Variants in IL1RAPL1 observed in about 807,000 individuals in gnomAD.
The protein encoded by IL1RAPL1 is interleukin 1 receptor accessory protein like 1, also known as interleukin-1 receptor accessory protein-like 1.
Under a neutral mutation model 48.4 loss-of-function variants are expected in IL1RAPL1, and 3 were observed. The ratio of observed to expected loss-of-function variants is 0.06; its 90% CI spans 0.03 to 0.16. IL1RAPL1 has a LOEUF of 0.16. IL1RAPL1 is among the 10% of genes least tolerant of loss of function. IL1RAPL1 has a pLI of 1.00. For missense variants in IL1RAPL1, 349 were observed against 530.6 expected (o/e 0.66, Z 3.36); for synonymous variants, 185 against 187.7 (o/e 0.99, Z 0.12).
chrX:28,814,453 C>G (rs1936836573), intron 2 of IL1RAPL1, among the ~76,000 whole-genome samples: 1 of 107,822 alleles, frequency 9.3e-6, no homozygotes, highest in Non-Finnish European at 1.9e-5. Flanking sequence ...AGGGAATGGT[C>G]CATAGAGCTC....
chrX:29,752,224 G>A (rs1316530828), intron 6 of IL1RAPL1, among the ~76,000 whole-genome samples: 5 of 105,953 alleles, frequency 4.7e-5, no homozygotes, highest in Non-Finnish European at 9.7e-5. Flanking sequence ...TGGCCCGGGC[G>A]CAGGGGCTCA....
At chrX:29,368,706 T>C (rs1933503050) in intron 3 of IL1RAPL1, among the ~76,000 whole-genome samples, 2 of 107,256 alleles carry the variant, frequency 1.9e-5, no homozygotes, top group Non-Finnish European at 3.8e-5. Context: ...TGGAATTACA[T>C]GTGTGAGCCA....
chrX:29,670,185 C>T (rs1291335372), intron 6 of IL1RAPL1, among the ~76,000 whole-genome samples: 1 of 111,611 alleles, frequency 9.0e-6, no homozygotes, highest in Non-Finnish European at 1.9e-5. Context: ...CCTCTTACTA[C>T]ACTGTTTTAC....
chrX:29,492,406 C>G (rs777832853), intron 5 of IL1RAPL1, among the ~76,000 whole-genome samples: 2 of 112,130 alleles, frequency 1.8e-5, no homozygotes, highest in East Asian at 5.6e-4. Flanking sequence ...TGGCACAGGT[C>G]TCACTTGGCT....
rs184696306 is a variant in IL1RAPL1, at chrX:28,757,752, C to T, written c.-24-31568C>T. 1.8e-3 allele frequency among the ~76,000 whole-genome samples: 197 copies of T among 112,245 alleles called. 1 individual carries two copies. The highest frequency in any genetic ancestry group is 6.1e-3 in the African/African-American group (189 of 30,937). On this transcript the variant is annotated intron_variant, in intron 1 of 10. Transcript: ENST00000378993. ...TGTGGGCTCTCATTAGCCAAGAAAA[C>T]TCAACTCAACACATGTGCTCTGCTT...
chrX:29,813,008 GC>G (rs1221628702), intron 6 of IL1RAPL1, among the ~76,000 whole-genome samples: 2 of 111,247 alleles, frequency 1.8e-5, no homozygotes, highest in African/African-American at 6.5e-5. Flanking sequence ...GACTCCCCGT[GC>G]CCTGTGTGCC....
chrX:28,680,890 A>G (rs182342900), intron 1 of IL1RAPL1, among the ~76,000 whole-genome samples: 1 of 111,438 alleles, frequency 9.0e-6, no homozygotes, highest in East Asian at 2.8e-4. Context: ...CATTGTCTGT[A>G]GTTTTCTTGT....
At chrX:29,845,977 G>C (rs370970226) in intron 6 of IL1RAPL1, among the ~76,000 whole-genome samples, 20 of 110,894 alleles carry the variant, frequency 1.8e-4, no homozygotes, top group Middle Eastern at 4.2e-3. Flanking sequence ...GTGCTATACC[G>C]TTCATGAGAA....
chrX:28,844,017 C>G (rs1921443508), intron 2 of IL1RAPL1, among the ~76,000 whole-genome samples: 1 of 109,656 alleles, frequency 9.1e-6, no homozygotes, highest in Non-Finnish European at 1.9e-5. Flanking sequence ...TCCCTGCTGC[C>G]TAGCTCTTTG....
At chrX:29,721,748 C>T (rs1927643064) in intron 6 of IL1RAPL1, among the ~76,000 whole-genome samples, 1 of 111,315 alleles carries the variant, frequency 9.0e-6, no homozygotes, top group African/African-American at 3.3e-5. Context: ...CACATACTCA[C>T]GGTATGATTA....
intron 3 of IL1RAPL1, among the ~76,000 whole-genome samples, chrX:29,376,234 T>C (rs1270574191): frequency 8.9e-6 from 1 of 112,028 alleles, no homozygotes; most frequent in African/African-American, 3.2e-5. Context: ...AACACCACTT[T>C]AGCTGCATTC....
intron 2 of IL1RAPL1, among the ~76,000 whole-genome samples, chrX:29,209,817 G>A (rs1412362039): frequency 1.8e-5 from 2 of 112,284 alleles, no homozygotes; most frequent in Non-Finnish European, 3.8e-5. Flanking sequence ...AGTAGTAACA[G>A]ATGGATAGGC....
At chrX:29,015,299 A>G (rs1427372749) in intron 2 of IL1RAPL1, among the ~76,000 whole-genome samples, 1 of 111,624 alleles carries the variant, frequency 9.0e-6, no homozygotes, top group Non-Finnish European at 1.9e-5. Context: ...GGTAATAATA[A>G]TAATCTTCCT....
At chrX:29,630,256 C>T (rs1924730824) in intron 5 of IL1RAPL1, among the ~76,000 whole-genome samples, 1 of 111,233 alleles carries the variant, frequency 9.0e-6, no homozygotes, top group Admixed American at 9.6e-5. Context: ...AACCACCTCC[C>T]GAAGACTCCC....
chrX:28,615,110 G>C (rs1057402698), intron 1 of IL1RAPL1, among the ~76,000 whole-genome samples: 1 of 106,557 alleles, frequency 9.4e-6, no homozygotes, highest in East Asian at 3.0e-4. Context: ...GGATGGTCTC[G>C]ACCTCCTGAC....
intron 6 of IL1RAPL1, among the ~76,000 whole-genome samples, chrX:29,888,250 G>A (rs1932207888): frequency 9.4e-6 from 1 of 106,715 alleles, no homozygotes; most frequent in Non-Finnish European, 1.9e-5. Context: ...TTGAGACAGA[G>A]TCTTGCTCTG....
chrX:29,758,863 G>GTTA (rs1928685896), intron 6 of IL1RAPL1, among the ~76,000 whole-genome samples: 1 of 111,229 alleles, frequency 9.0e-6, no homozygotes, highest in Non-Finnish European at 1.9e-5. Context: ...AGTTACTGTT[G>GTTA]GTTATTATTG....
rs915726667 is a variant in IL1RAPL1 at position 29,888,292 on chromosome X, C to T, written c.779-29172C>T. On this transcript the variant is annotated intron_variant, in intron 6 of 10. Coordinates refer to ENST00000378993, the MANE Select transcript of IL1RAPL1 (RefSeq NM_014271.4). Reference sequence around the variant, plus strand: ...AGGCTGGAGTGCAGTGGCATGATCTCGGCTCACCGCAACCTCTGCCTCCCG... The same window carrying T: ...AGGCTGGAGTGCAGTGGCATGATCTTGGCTCACCGCAACCTCTGCCTCCCG... 7.4e-5 allele frequency among the ~76,000 whole-genome samples: 8 copies of T among 108,111 alleles called. No individual in the cohort carries two copies. The East Asian group carries it at 8.7e-4, about 12-fold the overall frequency. The allele number at this position is 108,111 out of a possible 115,157, so 93.9% of individuals were successfully genotyped here.
At chrX:28,918,701 T>G (rs1264711232) in intron 2 of IL1RAPL1, among the ~76,000 whole-genome samples, 1 of 111,865 alleles carries the variant, frequency 8.9e-6, no homozygotes, top group East Asian at 2.8e-4. Flanking sequence ...GACTTGATGC[T>G]AAATAGGTGT....
Sources: allele counts gnomAD v4.1 joint callset (sites outside exome capture counted in the v4.1 genomes callset), GRCh38; gene constraint gnomAD v4.1.1; transcripts MANE v1.5; gene names NCBI Gene and HGNC (gene_info 2026-07-23, HGNC 2026-07-21).